CDIN1: variants seen among roughly 807,000 people sequenced by gnomAD.
CDIN1 encodes the protein CDAN1 interacting nuclease 1.
In CDIN1, 33 loss-of-function variants were observed where a neutral mutation model predicts 45.3. The observed-to-expected ratio is 0.73, with a 90% CI of 0.55 to 0.97. The LOEUF is 0.97. Ranked by LOEUF, CDIN1 falls within the 50% of genes least tolerant of loss-of-function variation. The probability of loss-of-function intolerance (pLI) is 0.00; values close to 1 mark genes in which losing one functional copy is unlikely to be tolerated. For missense variants in CDIN1, 303 were observed against 339.4 expected (o/e 0.89, Z 0.84); for synonymous variants, 118 against 124.4 (o/e 0.95, Z 0.34).
Position 36,601,901 on chromosome 15 carries a change from C to T in CDIN1, c.101+21940C>T, listed in dbSNP as rs188933211. Among the ~76,000 whole-genome samples, 8 of 152,320 alleles carry T rather than the reference C, an allele frequency of 5.3e-5. No homozygotes were observed. In the East Asian group the frequency reaches 1.2e-3, roughly 22 times the overall value. On this transcript the variant is annotated intron_variant, in intron 1 of 10. Coordinates refer to ENST00000566621, the MANE Select transcript of CDIN1 (RefSeq NM_001321759.2). The stretch of plus-strand genomic sequence containing the variant: ...CGTCATGAACCTGACACGATCATAG[C>T]ATCACTGAATCATTAACTTGCACCA...
intron 10 of CDIN1, among the ~76,000 whole-genome samples, chr15:36,728,912 G>A: frequency 6.6e-6 from 1 of 152,034 alleles, no homozygotes; most frequent in East Asian, 1.9e-4. Flanking sequence ...GACCTCAGGT[G>A]ATCCTCCTGC....
At position 36,764,214 on chromosome 15, in the gene CDIN1, G is replaced by GT. The variant is rs11297312; in HGVS notation, c.717-44091dup. Among the ~76,000 whole-genome samples, 384 of 116,240 alleles carry GT rather than the reference G, an allele frequency of 3.3e-3. 4 individuals carry two copies. Among genetic ancestry groups the GT allele is most frequent in the African/African-American group, 0.011 (347 of 32,990 alleles). The allele number at this position is 116,240 out of a possible 152,430, so 76.3% of individuals were successfully genotyped here. ...TTTTTATTTTCTTTCTGTGGTTTTG[G>GT]TTTTTTTTTTTTTTTTTTTGTCATT... On this transcript the variant is annotated intron_variant, in intron 10 of 10. Transcript: ENST00000566621.
intron 10 of CDIN1, among the ~76,000 whole-genome samples, chr15:36,788,102 ATATATTTTTTTTT>A (rs1163596724): frequency 5.0e-4 from 17 of 34,226 alleles, no homozygotes; most frequent in East Asian, 7.9e-4. Flanking sequence ...ATATATATAT[ATATATTTTTTTTT>A]TTTTTTTTTT....
chr15:36,717,134 C>G (rs930777266), intron 10 of CDIN1, among the ~76,000 whole-genome samples: 3 of 152,292 alleles, frequency 2.0e-5, no homozygotes, highest in Middle Eastern at 6.8e-3. Context: ...GTTCTCTGTT[C>G]TTCGAGAGCC....
At chr15:36,797,979 C>CAAAAAAA (rs570630838) in intron 10 of CDIN1, among the ~76,000 whole-genome samples, 19 of 55,294 alleles carry the variant, frequency 3.4e-4, no homozygotes, top group East Asian at 5.9e-4. Context: ...GACTCCATCT[C>CAAAAAAA]AAAAAAAAAA....
At chr15:36,668,277 G>A (rs1269946582) in intron 5 of CDIN1, 1 of 152,070 alleles carries the variant, frequency 6.6e-6, no homozygotes, top group Non-Finnish European at 1.5e-5. Flanking sequence ...GGTTGAGAGG[G>A]TATCAAGAAA....
chr15:36,752,539 C>T (rs1473531786), intron 10 of CDIN1, among the ~76,000 whole-genome samples: 2 of 152,172 alleles, frequency 1.3e-5, no homozygotes, highest in African/African-American at 2.4e-5. Context: ...TTATGGGCTG[C>T]TGAGAGGTGA....
chr15:36,699,985 C>A (rs925716165), intron 8 of CDIN1, among the ~76,000 whole-genome samples: 1 of 152,052 alleles, frequency 6.6e-6, no homozygotes, highest in African/African-American at 2.4e-5. Flanking sequence ...AAATATTTTT[C>A]ATGTGCATAT....
intron 1 of CDIN1, among the ~76,000 whole-genome samples, chr15:36,607,467 A>G (rs183995868): frequency 4.6e-5 from 7 of 152,290 alleles, no homozygotes; most frequent in African/African-American, 1.7e-4. Context: ...AATATGTAAA[A>G]TATAATAGCT....
chr15:36,662,085 C>T (rs1281923250), intron 5 of CDIN1, among the ~76,000 whole-genome samples: 1 of 152,060 alleles, frequency 6.6e-6, no homozygotes, highest in African/African-American at 2.4e-5. Flanking sequence ...TACCTCAATC[C>T]TCATTATAAA....
At chr15:36,698,265 C>G (rs554541712) in intron 8 of CDIN1, among the ~76,000 whole-genome samples, 9 of 152,060 alleles carry the variant, frequency 5.9e-5, no homozygotes, top group Non-Finnish European at 1.2e-4. Context: ...GAATCTATTC[C>G]AAATCTTAAT....
At position 36,619,469 on chromosome 15, in the gene CDIN1, T is replaced by TTCTATCTATCTA. The variant is rs58603040; in HGVS notation, c.102-24770_102-24759dup. Among the ~76,000 whole-genome samples the TTCTATCTATCTA allele has an allele frequency of 3.1e-3, 453 of 147,158 alleles. 3 individuals are homozygous for TTCTATCTATCTA. The highest frequency in any genetic ancestry group is 7.0e-3 in the Middle Eastern group (2 of 286). On this transcript the variant is annotated intron_variant, in intron 1 of 10. Transcript: ENST00000566621. The stretch of plus-strand genomic sequence containing the variant: ...ATGTGATTTATAAATGCTGGAGGAT[T>TTCTATCTATCTA]TCTATCTATCTATCTATCTATCTAT...
intron 10 of CDIN1, among the ~76,000 whole-genome samples, chr15:36,754,095 T>C (rs557144882): frequency 6.6e-6 from 1 of 152,322 alleles, no homozygotes; most frequent in Admixed American, 6.5e-5. Context: ...TGTACAGACT[T>C]ATGCGTGGGT....
chr15:36,704,841 A>G (rs930459661), intron 8 of CDIN1: 18 of 152,160 alleles, frequency 1.2e-4, no homozygotes, highest in African/African-American at 3.1e-4. Flanking sequence ...GGAAATGACT[A>G]TACTTTTAAA....
chr15:36,724,362 T>C (rs1470959584), intron 10 of CDIN1, among the ~76,000 whole-genome samples: 1 of 152,232 alleles, frequency 6.6e-6, no homozygotes, highest in Non-Finnish European at 1.5e-5. Context: ...ACAGAATTTG[T>C]CAAGTAATGC....
At chr15:36,607,563 CTG>C (rs1318747618) in intron 1 of CDIN1, among the ~76,000 whole-genome samples, 2 of 152,054 alleles carry the variant, frequency 1.3e-5, no homozygotes, top group African/African-American at 2.4e-5. Flanking sequence ...TCTTTGAGAT[CTG>C]TGTGTGTGTC....
chr15:36,794,409 C>A (rs550142069), intron 10 of CDIN1, among the ~76,000 whole-genome samples: 22 of 152,206 alleles, frequency 1.4e-4, no homozygotes, highest in African/African-American at 5.3e-4. Context: ...ATCTCTAGAA[C>A]TTTTATCTCG....
At chr15:36,594,908 G>T in intron 1 of CDIN1, 2 of 985,288 alleles carry the variant, frequency 2.0e-6, no homozygotes, top group East Asian at 2.3e-4. Flanking sequence ...TCAGCTTTCT[G>T]TTTAGTTGTG....
At chr15:36,610,176 A>G (rs2038580957) in intron 1 of CDIN1, among the ~76,000 whole-genome samples, 1 of 152,254 alleles carries the variant, frequency 6.6e-6, no homozygotes, top group Admixed American at 6.5e-5. Context: ...TGCATTAAAA[A>G]CAAAACAGAT....
Sources: gnomAD v4.1 joint callset for allele counts (sites outside exome capture counted in the v4.1 genomes callset) on GRCh38, gnomAD v4.1.1 for gene constraint, MANE v1.5 for transcripts, NCBI Gene and HGNC (gene_info 2026-07-23, HGNC 2026-07-21) for gene names.